Variants in FHIT observed in about 807,000 individuals in gnomAD.
FHIT encodes the protein fragile histidine triad diadenosine triphosphatase.
In FHIT, 19 loss-of-function variants were observed where a neutral mutation model predicts 17.9. The ratio of observed to expected loss-of-function variants is 1.06; its 90% CI spans 0.74 to 1.56. The LOEUF (loss-of-function observed/expected upper bound fraction) is 1.56. Ranked by LOEUF, FHIT falls within the 40% of genes most tolerant of loss-of-function variation. The pLI, the probability that FHIT is intolerant of heterozygous loss-of-function variation, is 0.00. For missense variants in FHIT, 248 were observed against 189.2 expected, an observed-to-expected ratio of 1.31 and a Z score of -1.82; for synonymous variants, 81 against 69.7, an observed-to-expected ratio of 1.16 and a Z score of -0.81.
intron 5 of FHIT, among the ~76,000 whole-genome samples, chr3:60,445,303 G>C (rs2031247044): frequency 6.6e-6 from 1 of 151,916 alleles, no homozygotes; most frequent in South Asian, 2.1e-4. Flanking sequence ...TAGAGGACTG[G>C]GATTCCAAAG....
intron 4 of FHIT, among the ~76,000 whole-genome samples, chr3:60,719,352 A>T (rs1014662690): frequency 1.3e-5 from 2 of 152,102 alleles, no homozygotes; most frequent in African/African-American, 4.8e-5. Context: ...CATACCATAA[A>T]CTTTCTTATC....
At chr3:59,842,043 C>A (rs1236544222) in intron 8 of FHIT, among the ~76,000 whole-genome samples, 1 of 152,022 alleles carries the variant, frequency 6.6e-6, no homozygotes, top group Non-Finnish European at 1.5e-5. Flanking sequence ...AATTCTATAC[C>A]CATTAAATAA....
chr3:60,709,967 C>A lies in FHIT; in HGVS notation c.-18+111952G>T, dbSNP rs537145257. Among the ~76,000 whole-genome samples, 35 of 151,142 alleles carry A rather than the reference C, an allele frequency of 2.3e-4. No homozygotes were observed. In the South Asian group the frequency reaches 6.3e-3, roughly 27 times the overall value. The stretch of plus-strand genomic sequence containing the variant: ...TGTTCCATATAAAAGGTAGCTGGTT[C>A]ATTTCACTACCCAGTCTCACAAGTG... On this transcript the variant is annotated intron_variant, in intron 4 of 9. Coordinates refer to ENST00000492590, the MANE Select transcript of FHIT (RefSeq NM_002012.4).
At chr3:60,641,608 G>A (rs1278007846) in intron 4 of FHIT, among the ~76,000 whole-genome samples, 1 of 152,058 alleles carries the variant, frequency 6.6e-6, no homozygotes, top group African/African-American at 2.4e-5. Flanking sequence ...AGTGTCCTTC[G>A]TTTCTCCAGA....
At chr3:60,437,707 T>C (rs556575940) in intron 5 of FHIT, among the ~76,000 whole-genome samples, 3 of 152,078 alleles carry the variant, frequency 2.0e-5, no homozygotes, top group Non-Finnish European at 4.4e-5. Context: ...TGAGGGTATG[T>C]AGTTCTAAGA....
At position 59,871,448 on chromosome 3, in the gene FHIT, A is replaced by AC. The variant is rs939962827; in HGVS notation, c.348+50897dup. On this transcript the variant is annotated intron_variant, in intron 8 of 9. Coordinates refer to ENST00000492590, the MANE Select transcript of FHIT (RefSeq NM_002012.4). ...ATCCTGTAACATAGTATCCTTACCCACCCCCCCACACACGCACACATACAA... is the reference window on the plus strand; with the variant it reads ...ATCCTGTAACATAGTATCCTTACCCACCCCCCCCACACACGCACACATACAA... Among the ~76,000 whole-genome samples, 9 of 151,298 alleles carry AC rather than the reference A, an allele frequency of 5.9e-5. No individual in the cohort carries two copies. In the South Asian group the frequency reaches 1.3e-3, roughly 21 times the overall value.
At chr3:59,851,838 C>A (rs1701951169) in intron 8 of FHIT, among the ~76,000 whole-genome samples, 1 of 152,158 alleles carries the variant, frequency 6.6e-6, no homozygotes, top group Non-Finnish European at 1.5e-5. Context: ...AAGCTTCTGA[C>A]AACATGAAAA....
At chr3:59,913,392 G>A (rs1340757716) in intron 8 of FHIT, among the ~76,000 whole-genome samples, 1 of 152,126 alleles carries the variant, frequency 6.6e-6, no homozygotes, top group Non-Finnish European at 1.5e-5. Flanking sequence ...GGACGGCTTT[G>A]TAGTCAAACA....
At chr3:60,073,162 A>T (rs372320961) in intron 5 of FHIT, among the ~76,000 whole-genome samples, 1 of 152,190 alleles carries the variant, frequency 6.6e-6, no homozygotes, top group Non-Finnish European at 1.5e-5. Context: ...GTTGCTTGCT[A>T]ACCATACAGG....
At chr3:60,742,612 T>C (rs569149680) in intron 4 of FHIT, among the ~76,000 whole-genome samples, 1 of 152,336 alleles carries the variant, frequency 6.6e-6, no homozygotes, top group African/African-American at 2.4e-5. Flanking sequence ...AAAAATGTAT[T>C]TCATGACCAG....
intron 5 of FHIT, among the ~76,000 whole-genome samples, chr3:60,429,209 G>T (rs1341690667): frequency 1.3e-5 from 2 of 151,860 alleles, no homozygotes; most frequent in Non-Finnish European, 2.9e-5. Context: ...AAACCAGGAG[G>T]CATCAGTTAA....
At chr3:59,987,510 C>T (rs571099638) in intron 7 of FHIT, among the ~76,000 whole-genome samples, 1 of 152,004 alleles carries the variant, frequency 6.6e-6, no homozygotes, top group Non-Finnish European at 1.5e-5. Flanking sequence ...TGTTTTAACA[C>T]GTCATGGCAA....
rs1313098529 is a variant in FHIT, at chr3:60,029,771, T to C, written c.104-15619A>G. 2.0e-5 allele frequency among the ~76,000 whole-genome samples: 3 copies of C among 152,150 alleles called. No homozygotes were observed. The East Asian group carries it at 5.8e-4, about 29-fold the overall frequency. On this transcript the variant is annotated intron_variant, in intron 5 of 9. Transcript: ENST00000492590. ...TTTTTAAAGGGCAAGTGAGGAGAAT[T>C]ACCTAATTGTTTTGAGGTAATTATC...
rs967961062 is a variant in FHIT, at chr3:59,749,216, C to G, written c.*369G>C. On this transcript the variant is annotated 3_prime_UTR_variant, in exon 10 of 10. Coordinates refer to ENST00000492590, the MANE Select transcript of FHIT (RefSeq NM_002012.4). ...AAAGGGAAGAAATAAGCAGGTGGAC[C>G]AATCCAACGATTGAATTTCCTTTAA... 10 of 230,072 alleles carry G rather than the reference C, an allele frequency of 4.3e-5. No homozygotes were observed. Among genetic ancestry groups the G allele is most frequent in the Admixed American group, 2.8e-4 (5 of 17,676 alleles). 14.3% of individuals were successfully genotyped at this position (230,072 alleles called of 1,614,324 possible). A position where few individuals can be genotyped will look rare whatever the true frequency, so the allele number is the denominator to read the frequency against.
At chr3:60,153,973 A>G (rs1700575657) in intron 5 of FHIT, among the ~76,000 whole-genome samples, 1 of 152,226 alleles carries the variant, frequency 6.6e-6, no homozygotes, top group Non-Finnish European at 1.5e-5. Context: ...CAAGTAAACA[A>G]ACAAAGTTAT....
At chr3:61,232,978 A>G (rs73098964) in intron 1 of FHIT, among the ~76,000 whole-genome samples, 14,824 of 152,280 alleles carry the variant, frequency 0.097, 765 homozygotes, top group Admixed American at 0.12. Flanking sequence ...GTGTGCTAAT[A>G]AAAGTGGCTA....
intron 5 of FHIT, among the ~76,000 whole-genome samples, chr3:60,055,532 C>T (rs1053093375): frequency 5.3e-5 from 8 of 150,784 alleles, no homozygotes; most frequent in Non-Finnish European, 1.0e-4. Flanking sequence ...CAGTTCAGAG[C>T]TTAATTGCTT....
intron 5 of FHIT, among the ~76,000 whole-genome samples, chr3:60,305,397 T>C (rs962849763): frequency 1.3e-5 from 2 of 152,074 alleles, no homozygotes; most frequent in Non-Finnish European, 1.5e-5. Context: ...CTTGGAATAA[T>C]ATACTTCCAG....
chr3:59,771,971 G>A (rs1702092552), intron 8 of FHIT, among the ~76,000 whole-genome samples: 1 of 152,106 alleles, frequency 6.6e-6, no homozygotes, highest in South Asian at 2.1e-4. Context: ...CAGCTTTAAA[G>A]CCCACAAAGG....
Sources: allele counts gnomAD v4.1 joint callset (sites outside exome capture counted in the v4.1 genomes callset), GRCh38; gene constraint gnomAD v4.1.1; transcripts MANE v1.5; gene names NCBI Gene and HGNC (gene_info 2026-07-23, HGNC 2026-07-21).